Variants in RASAL1 observed in about 807,000 individuals in gnomAD.
The protein encoded by RASAL1 is RAS protein activator like 1, also known as rasGAP-activating-like protein 1.
In RASAL1, 72 loss-of-function variants were observed where a neutral mutation model predicts 96.6. The observed-to-expected ratio is 0.75, with a 90% CI of 0.62 to 0.91. The LOEUF (loss-of-function observed/expected upper bound fraction) is 0.91, where lower values mean the gene tolerates loss of function less well. Among genes scored for constraint, RASAL1 ranks in the 40% least tolerant of loss-of-function variants. The pLI, the probability that RASAL1 is intolerant of heterozygous loss-of-function variation, is 0.00. For missense variants in RASAL1, 1,016 were observed against 1,072.5 expected (o/e 0.95, Z 0.74); for synonymous variants, 405 against 430.4 (o/e 0.94, Z 0.73).
intron 18 of RASAL1, 68 bp from the exon 19 acceptor site, chr12:113,102,077 TTC>T (rs1950469758): frequency 6.4e-7 from 1 of 1,561,308 alleles, no homozygotes; most frequent in African/African-American, 1.4e-5. Context: ...CAGCCAGGCA[TTC>T]GCCAAGCCGT....
rs1163735518 is a variant in RASAL1, at chr12:113,130,927, T to C, written c.80A>G (p.Asp27Gly). ...GTCCACTTTCACTAGGCAGTAGGGG[T>C]CGCTGCTCCCAGACCTGCAGAAGGA... Reference protein sequence around the residue: ...LPAKDVSGSSDPYCLVKVDDE... With the variant: ...LPAKDVSGSSGPYCLVKVDDE... The change falls in exon 2 of 21, where the codon GAC becomes GGC. Residue 27 changes from aspartate to glycine, a missense_variant. Transcript: ENST00000548055. The surrounding 1 kb of genome is among the most constrained non-coding windows in gnomAD (Gnocchi z 5.1). 6.2e-7 allele frequency: 1 copy of C among 1,613,026 alleles called. No individual in the cohort carries two copies. The highest frequency in any genetic ancestry group is 1.7e-5 in the Admixed American group (1 of 59,932).
chr12:113,107,979 CGGATGTTCTTT>C (rs1324953550), intron 14 of RASAL1, 95 bp downstream of exon 14: 14 of 1,330,084 alleles, frequency 1.1e-5, no homozygotes, highest in Non-Finnish European at 1.0e-6. Flanking sequence ...TGGGTTTCTT[CGGATGTTCTTT>C]GGGTCTTCTG....
At position 113,115,900 on chromosome 12, in the gene RASAL1, C is replaced by T. The variant is rs200729934; in HGVS notation, c.849+34G>A. ...AGGCCAGGATCCAGACCCCCGGCAC[C>T]CGCCTGATAGCATTGCTTGCCTGAC... On this transcript the variant is annotated intron_variant, in intron 9 of 20. Coordinates refer to ENST00000548055, the MANE Select transcript of RASAL1 (RefSeq NM_001301202.2). This position sits in a 1 kb window ranked among gnomAD's most constrained non-coding sequence, Gnocchi z 4.1. 1 of 1,582,436 alleles carries T rather than the reference C, an allele frequency of 6.3e-7. No homozygotes were observed. Among genetic ancestry groups the T allele is most frequent in the Non-Finnish European group, 8.6e-7 (1 of 1,161,252 alleles).
intron 7 of RASAL1, 83 bp downstream of exon 7, chr12:113,119,045 C>A: frequency 6.8e-7 from 1 of 1,477,126 alleles, no homozygotes; most frequent in African/African-American, 1.4e-5. Flanking sequence ...TTCTGAGAGC[C>A]AGGAGGCTCA....
chr12:113,122,530 G>T (rs1396330453), intron 4 of RASAL1, among the ~76,000 whole-genome samples: 1 of 152,092 alleles, frequency 6.6e-6, no homozygotes, highest in Non-Finnish European at 1.5e-5. Flanking sequence ...TTGCCATGTT[G>T]CCCAGGCTGG....
rs765901415 is a variant in RASAL1, at chr12:113,130,928, C to T, written c.79G>A (p.Asp27Asn). Residue 27 changes from aspartate to asparagine, a missense_variant, in exon 2 of 21, where the codon GAC (aspartate) becomes AAC (asparagine). Physicochemically the swap from Asp to Asn is conservative, Grantham distance 23. Transcript: ENST00000548055. This position sits in a 1 kb window ranked among gnomAD's most constrained non-coding sequence, Gnocchi z 5.1. ...TCCACTTTCACTAGGCAGTAGGGGT[C>T]GCTGCTCCCAGACCTGCAGAAGGAG... is the stretch of plus-strand genomic sequence containing the variant. Reference protein sequence around the residue: ...LPAKDVSGSSDPYCLVKVDDE... With the variant: ...LPAKDVSGSSNPYCLVKVDDE... 8 of 1,613,498 alleles carry T rather than the reference C, an allele frequency of 5.0e-6. No individual in the cohort carries two copies. Among genetic ancestry groups the T allele is most frequent in the East Asian group, 2.2e-5 (1 of 44,868 alleles).
chr12:113,135,777 G>C (rs1206624170), upstream of RASAL1: 2 of 272,472 alleles, frequency 7.3e-6, no homozygotes, highest in African/African-American at 4.5e-5. The surrounding 1 kb of genome is among the most constrained non-coding windows in gnomAD (Gnocchi z 5.7). Flanking sequence ...GGGGGCGGGA[G>C]GGGCGGCCCA....
At position 113,130,983 on chromosome 12, in the gene RASAL1, G is replaced by A; in HGVS notation, c.66-42C>T. ...TTCAGGGAGGAAGCAGGTTGAGAGG[G>A]CAGCCATGAGTGGAGGGTCCCAGTC... On this transcript the variant is annotated intron_variant, in intron 1 of 20. Transcript: ENST00000548055. This position sits in a 1 kb window ranked among gnomAD's most constrained non-coding sequence, Gnocchi z 5.1. 2 of 1,522,402 alleles carry A rather than the reference G, an allele frequency of 1.3e-6. No individual in the cohort carries two copies. The highest frequency in any genetic ancestry group is 9.1e-7 in the Non-Finnish European group (1 of 1,100,650). 94.3% of individuals were successfully genotyped at this position (1,522,402 alleles called of 1,614,324 possible).
chr12:113,132,426 C>G (rs1339470457), intron 1 of RASAL1, among the ~76,000 whole-genome samples: 2 of 152,134 alleles, frequency 1.3e-5, no homozygotes, highest in Non-Finnish European at 2.9e-5. Context: ...TTCTGAATGA[C>G]TGGGTTTATG....
intron 14 of RASAL1, 133 bp downstream of exon 14, chr12:113,107,952 C>T (rs565932975): frequency 2.3e-5 from 23 of 1,007,522 alleles, no homozygotes; most frequent in South Asian, 3.7e-5. Context: ...GGAATGCTAA[C>T]GGTGGTGTTT....
At chr12:113,127,746 TATGCCCCTGCAA>T in intron 4 of RASAL1, 54 bp downstream of exon 4, 3 of 1,384,258 alleles carry the variant, frequency 2.2e-6, no homozygotes, top group Non-Finnish European at 3.1e-6. Flanking sequence ...TGCCATGTGC[TATGCCCCTGCAA>T]ATGCCCACCC....
Position 113,099,646 on chromosome 12 carries a change from A to G in RASAL1, c.*283T>C, listed in dbSNP as rs1170743583. 4 of 307,590 alleles carry G rather than the reference A, an allele frequency of 1.3e-5. No homozygotes were observed. The highest frequency in any genetic ancestry group is 5.9e-6 in the Non-Finnish European group (1 of 168,914). The allele number at this position is 307,590 out of a possible 1,614,324, so 19.1% of individuals were successfully genotyped here. On this transcript the variant is annotated 3_prime_UTR_variant, in exon 21 of 21. Transcript: ENST00000548055. The stretch of plus-strand genomic sequence containing the variant: ...TGGATAGAGGCCAGTTTGGTGAAGT[A>G]GAGACCCCAGTCTCAGTCAAATAAG...
At chr12:113,108,832 T>TC (rs1186961228) in intron 13 of RASAL1, among the ~76,000 whole-genome samples, 5 of 115,098 alleles carry the variant, frequency 4.3e-5, no homozygotes, top group Admixed American at 1.2e-4. Flanking sequence ...CTTTTTTTTT[T>TC]CTTTCTTTTT....
chr12:113,102,070 C>T, intron 18 of RASAL1, 61 bp from the exon 19 acceptor site: 1 of 1,571,632 alleles, frequency 6.4e-7, no homozygotes, highest in South Asian at 1.2e-5. Context: ...GCCTCCACAG[C>T]CAGGCATTCG....
chr12:113,104,999 G>A (rs1288920687), intron 16 of RASAL1, among the ~76,000 whole-genome samples: 2 of 152,224 alleles, frequency 1.3e-5, no homozygotes, highest in African/African-American at 2.4e-5. Flanking sequence ...GATAGATGAC[G>A]CTTCCAAGGT....
intron 4 of RASAL1, 45 bp downstream of exon 4, chr12:113,127,767 C>T (rs1951539837): frequency 6.4e-7 from 1 of 1,563,564 alleles, no homozygotes; most frequent in Admixed American, 1.7e-5. Context: ...AAATGCCCAC[C>T]CTGGGCATGG....
intron 4 of RASAL1, among the ~76,000 whole-genome samples, chr12:113,126,606 A>G (rs1951490012): frequency 6.6e-6 from 1 of 151,984 alleles, no homozygotes; most frequent in Non-Finnish European, 1.5e-5. Flanking sequence ...CACTTGAGCC[A>G]GGGAGGTTGA....
rs116485092 is a variant in RASAL1, at chr12:113,115,180, G to T, written c.1068+20C>A. On this transcript the variant is annotated intron_variant, in intron 11 of 20. Transcript: ENST00000548055. The surrounding 1 kb of genome is among the most constrained non-coding windows in gnomAD (Gnocchi z 4.1). ...ACCCGAGGAAGCTGCGCCTGGTCCCGCAGGCCTTCACCTACTCACCTTCAT... is the reference window on the plus strand; with the variant it reads ...ACCCGAGGAAGCTGCGCCTGGTCCCTCAGGCCTTCACCTACTCACCTTCAT... 1.9e-6 allele frequency: 3 copies of T among 1,604,628 alleles called. No individual in the cohort carries two copies. The highest frequency in any genetic ancestry group is 1.7e-5 in the Admixed American group (1 of 60,006).
At position 113,112,099 on chromosome 12, in the gene RASAL1, T is replaced by TG; in HGVS notation, c.1360dup (p.Gln454ProfsTer32). 8.0e-7 allele frequency: 1 copy of TG among 1,243,068 alleles called. No homozygotes were observed. Among genetic ancestry groups the TG allele is most frequent in the Non-Finnish European group, 1.0e-6 (1 of 989,848 alleles). The allele number at this position is 1,243,068 out of a possible 1,614,324, so 77.0% of individuals were successfully genotyped here. ...ATCCTGGCGCACCTGGTGCTCGGCC[T>TG]GGGGGAAGCGCTCCTCCACTCGCCG... On this transcript the variant is annotated frameshift_variant, in exon 13 of 21. Transcript: ENST00000548055. LOFTEE classifies it high-confidence loss of function.
Sources: gnomAD v4.1 joint callset for allele counts (sites outside exome capture counted in the v4.1 genomes callset) on GRCh38, gnomAD v4.1.1 for gene constraint, Gnocchi (gnomAD v3.1) non-coding constraint, MANE v1.5 for transcripts, NCBI Gene and HGNC (gene_info 2026-07-23, HGNC 2026-07-21) for gene names.